MCU: variants seen among roughly 807,000 people sequenced by gnomAD.
MCU encodes mitochondrial calcium uniporter, also known as calcium uniporter protein, mitochondrial.
MCU carries 12 observed loss-of-function variants against 45.2 expected under a neutral mutation model. The observed-to-expected ratio is 0.27, with a 90% CI of 0.17 to 0.43. MCU has a LOEUF of 0.43. MCU is among the 20% of genes least tolerant of loss of function. The pLI, the probability that MCU is intolerant of heterozygous loss-of-function variation, is 1.00. For synonymous variants in MCU, 160 were observed against 165.1 expected, an observed-to-expected ratio of 0.97 and a Z score of 0.24; for missense variants, 324 against 436.7, an observed-to-expected ratio of 0.74 and a Z score of 2.30.
chr10:72,866,366 T>A (rs1362369488), intron 4 of MCU, among the ~76,000 whole-genome samples: 1 of 152,130 alleles, frequency 6.6e-6, no homozygotes, highest in Non-Finnish European at 1.5e-5. Context: ...TAGAAGGCAC[T>A]AGGTTCAGGA....
intron 2 of MCU, among the ~76,000 whole-genome samples, chr10:72,847,345 G>A (rs951563011): frequency 3.9e-5 from 6 of 152,106 alleles, no homozygotes; most frequent in Admixed American, 6.5e-5. Flanking sequence ...TAGGCCACTC[G>A]TGTCAACTGA....
intron 1 of MCU, among the ~76,000 whole-genome samples, chr10:72,697,633 A>G (rs992465702): frequency 2.0e-5 from 3 of 151,052 alleles, no homozygotes; most frequent in African/African-American, 7.3e-5. Context: ...ACGGGGTTTC[A>G]CCATGTTGGA....
intron 1 of MCU, among the ~76,000 whole-genome samples, chr10:72,778,792 C>T (rs1843940458): frequency 1.3e-5 from 2 of 151,386 alleles, no homozygotes; most frequent in South Asian, 4.2e-4. Context: ...ACCAAGTGCA[C>T]ATTGAAATAA....
intron 2 of MCU, among the ~76,000 whole-genome samples, chr10:72,846,243 A>C (rs1213570508): frequency 6.6e-6 from 1 of 152,156 alleles, no homozygotes; most frequent in African/African-American, 2.4e-5. Flanking sequence ...GGGTTTCACC[A>C]TGTTGGCCAG....
chr10:72,828,988 C>G (rs1844837850), intron 1 of MCU, among the ~76,000 whole-genome samples: 1 of 152,144 alleles, frequency 6.6e-6, no homozygotes, highest in East Asian at 1.9e-4. Flanking sequence ...TTTCAAGGAA[C>G]TATGGGAGCA....
intron 1 of MCU, among the ~76,000 whole-genome samples, chr10:72,769,303 T>C (rs1843772508): frequency 6.6e-6 from 1 of 152,208 alleles, no homozygotes; most frequent in Non-Finnish European, 1.5e-5. Flanking sequence ...ACCGAGTTCT[T>C]GCTCACACAA....
intron 1 of MCU, among the ~76,000 whole-genome samples, chr10:72,794,047 TAA>T (rs1844207951): frequency 6.6e-6 from 1 of 152,176 alleles, no homozygotes; most frequent in Non-Finnish European, 1.5e-5. Context: ...GTATCAACTC[TAA>T]GTCTAGGATC....
intron 1 of MCU, chr10:72,715,009 AC>A: frequency 5.5e-6 from 1 of 180,206 alleles, no homozygotes; most frequent in Non-Finnish European, 1.1e-5. Flanking sequence ...GTCTTTTCAG[AC>A]TTTCTTTCTT....
chr10:72,736,808 C>T (rs1002262399), intron 1 of MCU, among the ~76,000 whole-genome samples: 5 of 152,126 alleles, frequency 3.3e-5, no homozygotes, highest in South Asian at 4.1e-4. Flanking sequence ...ATTTTTTAGG[C>T]CAGGCATTTA....
At chr10:72,862,441 T>C (rs551956552) in intron 4 of MCU, among the ~76,000 whole-genome samples, 1 of 152,260 alleles carries the variant, frequency 6.6e-6, no homozygotes, top group Non-Finnish European at 1.5e-5. Context: ...AAAGATAATT[T>C]TTCCACTGAC....
chr10:72,699,837 G>A (rs977880630), intron 1 of MCU, among the ~76,000 whole-genome samples: 3 of 151,808 alleles, frequency 2.0e-5, no homozygotes, highest in African/African-American at 4.8e-5. Context: ...GATGATCTGC[G>A]TGTCTTGGCC....
At chr10:72,750,966 G>A (rs1843485486) in intron 1 of MCU, among the ~76,000 whole-genome samples, 1 of 151,994 alleles carries the variant, frequency 6.6e-6, no homozygotes, top group African/African-American at 2.4e-5. Context: ...GTTATTGCAT[G>A]TTTCAATAGT....
At chr10:72,775,591 A>G (rs1303821762) in intron 1 of MCU, among the ~76,000 whole-genome samples, 1 of 152,190 alleles carries the variant, frequency 6.6e-6, no homozygotes, top group African/African-American at 2.4e-5. Flanking sequence ...CAATGAAACA[A>G]GAAGTTGTTC....
At chr10:72,733,705 T>A (rs1468993227) in intron 1 of MCU, among the ~76,000 whole-genome samples, 1 of 149,264 alleles carries the variant, frequency 6.7e-6, no homozygotes, top group East Asian at 1.9e-4. Context: ...ATATATATAT[T>A]TTTTTAAAGA....
chr10:72,722,316 C>CAAAAA (rs35164146), intron 1 of MCU, among the ~76,000 whole-genome samples: 543 of 20,170 alleles, frequency 0.027, 35 homozygotes, highest in Middle Eastern at 0.11. Flanking sequence ...AACTCCATCT[C>CAAAAA]AAAAAAAAAA....
At chr10:72,774,845 T>C (rs1041116989) in intron 1 of MCU, among the ~76,000 whole-genome samples, 1 of 152,110 alleles carries the variant, frequency 6.6e-6, no homozygotes, top group African/African-American at 2.4e-5. Flanking sequence ...CAAGAAGATA[T>C]ACCAATTATA....
chr10:72,839,337 T>C (rs905665612), intron 2 of MCU, among the ~76,000 whole-genome samples: 6 of 151,952 alleles, frequency 3.9e-5, no homozygotes, highest in Non-Finnish European at 5.9e-5. Flanking sequence ...GTTGATAGGG[T>C]AGCAAATTTT....
At chr10:72,753,389 T>C (rs936254767) in intron 1 of MCU, among the ~76,000 whole-genome samples, 2 of 152,232 alleles carry the variant, frequency 1.3e-5, no homozygotes, top group Admixed American at 6.5e-5. Context: ...TACAATATAG[T>C]TTATAAACTG....
chr10:72,848,486 C>T (rs1038185822), intron 2 of MCU, among the ~76,000 whole-genome samples: 3 of 152,038 alleles, frequency 2.0e-5, no homozygotes, highest in African/African-American at 4.8e-5. Context: ...TCCACTCCCC[C>T]AGTAACTAAC....
Sources: allele counts gnomAD v4.1 joint callset (sites outside exome capture counted in the v4.1 genomes callset), GRCh38; gene constraint gnomAD v4.1.1; transcripts MANE v1.5; gene names NCBI Gene and HGNC (gene_info 2026-07-23, HGNC 2026-07-21).